COLEC10: variants seen among roughly 807,000 people sequenced by gnomAD.
COLEC10 encodes the protein collectin subfamily member 10.
A neutral mutation model predicts 28.4 loss-of-function variants in COLEC10; 22 were observed. That is an observed-to-expected ratio of 0.78 (90% CI 0.55 to 1.11). COLEC10 has a LOEUF of 1.11. COLEC10 is among the 50% of genes least tolerant of loss of function. The probability of loss-of-function intolerance (pLI) is 0.00; values close to 1 mark genes in which losing one functional copy is unlikely to be tolerated. For missense variants in COLEC10, 361 were observed against 344.1 expected, an observed-to-expected ratio of 1.05 and a Z score of -0.39; for synonymous variants, 125 against 116.1, an observed-to-expected ratio of 1.08 and a Z score of -0.49.
the COLEC10 span, among the ~76,000 whole-genome samples, chr8:118,983,472 C>T: frequency 2.6e-5 from 4 of 152,036 alleles, no homozygotes; most frequent in Non-Finnish European, 4.4e-5. Flanking sequence ...CTCATAGATA[C>T]CTCTTAATAA....
chr8:119,080,642 G>T (rs1815349672), intron 1 of COLEC10, among the ~76,000 whole-genome samples: 1 of 151,960 alleles, frequency 6.6e-6, no homozygotes, highest in Non-Finnish European at 1.5e-5. Context: ...GTTTTATGTT[G>T]CAAGAGGGTT....
intron 3 of COLEC10, among the ~76,000 whole-genome samples, chr8:119,093,210 G>A (rs1350476351): frequency 6.6e-6 from 1 of 152,180 alleles, no homozygotes; most frequent in South Asian, 2.1e-4. Context: ...GTATGTCCCT[G>A]CAGGCAGGTT....
intron 2 of COLEC10, among the ~76,000 whole-genome samples, chr8:119,024,761 C>T (rs1190749289): frequency 6.6e-6 from 1 of 152,032 alleles, no homozygotes; most frequent in Non-Finnish European, 1.5e-5. Context: ...TTGCCAGAAA[C>T]ATGAAGGCCT....
intron 1 of COLEC10, among the ~76,000 whole-genome samples, chr8:119,076,488 C>T (rs1815240536): frequency 6.6e-6 from 1 of 152,112 alleles, no homozygotes; most frequent in Admixed American, 6.5e-5. Flanking sequence ...GTCTTGAACT[C>T]CTGACCTCAG....
At chr8:118,999,568 G>GCAA (rs1184275795) in intron 1 of COLEC10, among the ~76,000 whole-genome samples, 1 of 146,128 alleles carries the variant, frequency 6.8e-6, no homozygotes, top group Non-Finnish European at 1.5e-5. Flanking sequence ...TCCAGCCTGG[G>GCAA]CAACAGAGCA....
intron 1 of COLEC10, among the ~76,000 whole-genome samples, chr8:119,088,309 C>G (rs937481324): frequency 6.6e-6 from 1 of 152,134 alleles, no homozygotes; most frequent in African/African-American, 2.4e-5. Flanking sequence ...GGTCTGACCA[C>G]AGATATCACC....
intron 3 of COLEC10, among the ~76,000 whole-genome samples, chr8:119,098,031 A>G (rs1203793827): frequency 1.3e-5 from 2 of 152,096 alleles, no homozygotes; most frequent in Non-Finnish European, 2.9e-5. Flanking sequence ...TTCAACTTCC[A>G]GAACTGAAGC....
chr8:119,033,449 G>A (rs1021054949), intron 2 of COLEC10, among the ~76,000 whole-genome samples: 4 of 152,066 alleles, frequency 2.6e-5, no homozygotes, highest in African/African-American at 9.7e-5. Context: ...CTATCATCAG[G>A]TGAAAAGGCA....
At chr8:118,996,707 T>A (rs1233131670) in intron 1 of COLEC10, among the ~76,000 whole-genome samples, 2 of 152,136 alleles carry the variant, frequency 1.3e-5, no homozygotes. Flanking sequence ...TGGAACTGGG[T>A]AATTTATGAG....
At chr8:119,073,190 G>T (rs2130237517) in intron 1 of COLEC10, among the ~76,000 whole-genome samples, 2 of 152,342 alleles carry the variant, frequency 1.3e-5, no homozygotes, top group Admixed American at 1.3e-4. Flanking sequence ...CTGCTAATAG[G>T]CAGCAGGACT....
intron 5 of COLEC10, among the ~76,000 whole-genome samples, chr8:119,105,361 A>C (rs1815915640): frequency 6.6e-6 from 1 of 152,144 alleles, no homozygotes; most frequent in Non-Finnish European, 1.5e-5. Flanking sequence ...ATAGGGGAAA[A>C]TATTTCCACT....
intron 1 of COLEC10, among the ~76,000 whole-genome samples, chr8:119,070,480 TCCCC>T (rs1815089780): frequency 2.0e-5 from 1 of 50,694 alleles, no homozygotes; most frequent in East Asian, 6.2e-4. Context: ...TCTCTCTCCT[TCCCC>T]CTCCTTCCCT....
At chr8:119,014,753 G>A (rs565855838) in intron 2 of COLEC10, among the ~76,000 whole-genome samples, 1 of 150,864 alleles carries the variant, frequency 6.6e-6, no homozygotes, top group African/African-American at 2.5e-5. Flanking sequence ...GTTTTTGTTT[G>A]CTTCTTTTTT....
chr8:118,980,642 A>G, the COLEC10 span, among the ~76,000 whole-genome samples: 5 of 152,132 alleles, frequency 3.3e-5, no homozygotes, highest in Admixed American at 2.0e-4. Context: ...AGGTGATTTT[A>G]TGTATTGTCT....
the COLEC10 span, among the ~76,000 whole-genome samples, chr8:118,979,837 A>G: frequency 6.6e-6 from 1 of 152,118 alleles, no homozygotes; most frequent in Non-Finnish European, 1.5e-5. Context: ...GCCAGACCAT[A>G]CCATCAGACA....
At chr8:119,052,841 GCA>G (rs1222341679) in intron 2 of COLEC10, among the ~76,000 whole-genome samples, 3 of 152,238 alleles carry the variant, frequency 2.0e-5, no homozygotes, top group African/African-American at 7.2e-5. Context: ...AGGCAAACAA[GCA>G]AGAGAGCTAA....
At chr8:119,075,250 T>A (rs1815204252) in intron 1 of COLEC10, among the ~76,000 whole-genome samples, 1 of 152,238 alleles carries the variant, frequency 6.6e-6, no homozygotes, top group Non-Finnish European at 1.5e-5. Flanking sequence ...TTGGTAACTC[T>A]GTTAGCATGG....
chr8:118,999,826 A>G (rs1813658400), intron 1 of COLEC10, among the ~76,000 whole-genome samples: 1 of 152,210 alleles, frequency 6.6e-6, no homozygotes, highest in African/African-American at 2.4e-5. Flanking sequence ...AATTTCAGTT[A>G]ACAACAGTTC....
intron 1 of COLEC10, among the ~76,000 whole-genome samples, chr8:118,998,833 C>A (rs368149518): frequency 6.7e-4 from 83 of 123,700 alleles, no homozygotes; most frequent in African/African-American, 2.7e-3. Flanking sequence ...GGTGACAGAA[C>A]GAGACTCCGT....
Sources: gnomAD v4.1 joint callset for allele counts (sites outside exome capture counted in the v4.1 genomes callset) on GRCh38, gnomAD v4.1.1 for gene constraint, MANE v1.5 for transcripts, NCBI Gene and HGNC (gene_info 2026-07-23, HGNC 2026-07-21) for gene names.